Variants in ZFYVE26 observed in about 807,000 individuals in gnomAD.
The protein encoded by ZFYVE26 is zinc finger FYVE-type containing 26.
A neutral mutation model predicts 276.5 loss-of-function variants in ZFYVE26; 181 were observed. The ratio of observed to expected loss-of-function variants is 0.65; its 90% CI spans 0.58 to 0.74. The LOEUF (loss-of-function observed/expected upper bound fraction) is 0.74, where lower values mean the gene tolerates loss of function less well. ZFYVE26 is among the 30% of genes least tolerant of loss of function. The probability of loss-of-function intolerance (pLI) is 0.00; values close to 1 mark genes in which losing one functional copy is unlikely to be tolerated. For synonymous variants in ZFYVE26, 1,129 were observed against 1,203.1 expected (o/e 0.94, Z 1.27); for missense variants, 2,821 against 3,097.9 (o/e 0.91, Z 2.12).
intron 24 of ZFYVE26, 122 bp downstream of exon 24, chr14:67,778,004 C>G: frequency 6.8e-7 from 1 of 1,469,296 alleles, no homozygotes; most frequent in Non-Finnish European, 9.5e-7. Flanking sequence ...TAACCAGCTC[C>G]TGAAAGATCA....
At chr14:67,738,228 A>G (rs116906556) in intron 13 of ZFYVE26, among the ~76,000 whole-genome samples, 4 of 151,898 alleles carry the variant, frequency 2.6e-5, no homozygotes, top group Non-Finnish European at 5.9e-5. Context: ...AAGAGGAGGC[A>G]TTGTTCATAT....
chr14:67,799,448 G>C, intron 10 of ZFYVE26: 1 of 1,612,076 alleles, frequency 6.2e-7, no homozygotes, highest in Non-Finnish European at 8.5e-7. Flanking sequence ...AAAGGAGTTG[G>C]GGCTTGATGA....
intron 29 of ZFYVE26, 132 bp from the exon 30 acceptor site, chr14:67,768,680 T>A (rs771194512): frequency 1.2e-6 from 1 of 841,494 alleles, no homozygotes; most frequent in East Asian, 2.5e-5. Flanking sequence ...AATTGTTGAA[T>A]GAAAGAGTCC....
chr14:67,780,868 C>T (rs112282949), intron 22 of ZFYVE26, among the ~76,000 whole-genome samples: 6 of 152,332 alleles, frequency 3.9e-5, no homozygotes, highest in African/African-American at 1.4e-4. Flanking sequence ...TGTAGCCGTG[C>T]TTCCTAAATT....
intron 2 of ZFYVE26, among the ~76,000 whole-genome samples, chr14:67,814,391 C>A (rs183576101): frequency 8.5e-5 from 13 of 152,098 alleles, no homozygotes; most frequent in African/African-American, 2.7e-4. Flanking sequence ...CGGTGGCAGG[C>A]GCCTGTAGTC....
intron 12 of ZFYVE26, 27 bp downstream of exon 12, chr14:67,797,645 T>C: frequency 1.9e-6 from 3 of 1,612,756 alleles, no homozygotes; most frequent in Non-Finnish European, 2.5e-6. Context: ...ACTTGCCTAG[T>C]GCATGGGAAT....
chr14:67,785,201 C>T lies in ZFYVE26; in HGVS notation c.3381G>A (p.Val1127=), dbSNP rs559649836. ...TCTGGAGGAGCTGAGTCTGGATCTG[C>T]ACAGGGTGGGCCTCTGCCTCTGGAG... is the stretch of plus-strand genomic sequence containing the variant. ...QKAPEAEAHP[V]QIQTQLLQKN... is the part of the protein sequence containing the mutation. Residue 1127 remains valine, a synonymous_variant, in exon 19 of 42, where the codon GTG becomes GTA. Coordinates refer to ENST00000347230, the MANE Select transcript of ZFYVE26 (RefSeq NM_015346.4). The T allele has an allele frequency of 1.4e-5, 23 of 1,614,138 alleles. No individual in the cohort carries two copies. In the East Asian group the frequency reaches 4.2e-4, roughly 30 times the overall value.
At chr14:67,734,007 T>C (rs533646445) in intron 13 of ZFYVE26, 16 of 602,828 alleles carry the variant, frequency 2.7e-5, no homozygotes, top group South Asian at 2.4e-4. Context: ...TTTGCACACC[T>C]GACACTCTTG....
At chr14:67,782,129 A>G (rs1333524759) in intron 21 of ZFYVE26, among the ~76,000 whole-genome samples, 2 of 152,162 alleles carry the variant, frequency 1.3e-5, no homozygotes, top group African/African-American at 4.8e-5. Flanking sequence ...CAAGCCTCCT[A>G]CCCAAAAGTC....
rs1017787430 is a variant in ZFYVE26 at position 67,793,860 on chromosome 14, C to T, written c.2402-101G>A. 5.5e-5 allele frequency: 83 copies of T among 1,517,276 alleles called. 2 individuals are homozygous for T. In the East Asian group the frequency reaches 1.8e-3, roughly 34 times the overall value. The allele number at this position is 1,517,276 out of a possible 1,614,324, so 94.0% of individuals were successfully genotyped here. A position where few individuals can be genotyped will look rare whatever the true frequency, so the allele number is the denominator to read the frequency against. ...ACCAAACTTTTATCTCCTCAATGTC[C>T]TTCTGTAAAAGGCCTGTAAATAGGT... On this transcript the variant is annotated intron_variant, in intron 13 of 41. Transcript: ENST00000347230.
intron 25 of ZFYVE26, among the ~76,000 whole-genome samples, chr14:67,776,872 T>C (rs2039358416): frequency 6.6e-6 from 1 of 152,214 alleles, no homozygotes. Flanking sequence ...TTAGCACTCG[T>C]TCTATTTGTG....
In ZFYVE26 at chr14:67,763,837, C is replaced by T. The variant is rs2038994051; in HGVS notation, c.6012-1018G>A. ...GGGTATTTGAGGCAAGGCCTTTACACTGTATGTTAGGGGCTTACAAGTGAC... is the reference window on the plus strand; with the variant it reads ...GGGTATTTGAGGCAAGGCCTTTACATTGTATGTTAGGGGCTTACAAGTGAC... On this transcript the variant is annotated intron_variant, in intron 32 of 41. Transcript: ENST00000347230. Among the ~76,000 whole-genome samples, 11 of 152,284 alleles carry T rather than the reference C, an allele frequency of 7.2e-5. No individual in the cohort carries two copies. In the South Asian group the frequency reaches 2.3e-3, roughly 32 times the overall value.
chr14:67,814,183 C>G, intron 2 of ZFYVE26, 119 bp from the exon 3 acceptor site: 1 of 783,968 alleles, frequency 1.3e-6, no homozygotes, highest in Non-Finnish European at 2.2e-6. Context: ...CAAGACACTG[C>G]CCTAATGAGA....
intron 26 of ZFYVE26, 130 bp downstream of exon 26, chr14:67,775,730 G>T: frequency 2.3e-6 from 3 of 1,301,930 alleles, no homozygotes; most frequent in Non-Finnish European, 3.3e-6. Context: ...TAAAGAGATA[G>T]CTCTTCTGAA....
In ZFYVE26 at chr14:67,729,287, C is replaced by T. The variant is rs376787473; in HGVS notation, n.3212G>A. ...CTCTGCCTGCTCTGGCGGCTCTTCT[C>T]CCCCTTTGTCAAGACGGCACGGGAG... On this transcript the variant is annotated non_coding_transcript_exon_variant, in exon 14 of 15. Coordinates refer to the ZFYVE26 transcript ENST00000394455. 1 of 1,604,710 alleles carries T rather than the reference C, an allele frequency of 6.2e-7. No homozygotes were observed. Among genetic ancestry groups the T allele is most frequent in the East Asian group, 2.2e-5 (1 of 44,884 alleles).
intron 41 of ZFYVE26, among the ~76,000 whole-genome samples, chr14:67,749,474 A>T (rs1420146999): frequency 6.6e-6 from 1 of 152,112 alleles, no homozygotes; most frequent in East Asian, 1.9e-4. Flanking sequence ...TGGTCTCCCC[A>T]GCACCCCCTG....
In ZFYVE26 at chr14:67,748,104, T is replaced by G; in HGVS notation, c.*332A>C. 4 of 322,224 alleles carry G rather than the reference T, an allele frequency of 1.2e-5. No homozygotes were observed. Among genetic ancestry groups the G allele is most frequent in the East Asian group, 6.5e-5 (1 of 15,462 alleles). The allele number at this position is 322,224 out of a possible 1,614,324, so 20.0% of individuals were successfully genotyped here. A position where few individuals can be genotyped will look rare whatever the true frequency, so the allele number is the denominator to read the frequency against. On this transcript the variant is annotated 3_prime_UTR_variant, in exon 42 of 42. Transcript: ENST00000347230. ...AGTGCCTCTTTTAAATGGAGAAGAG[T>G]TTCATTTGTTCAGAAATGCTTGGGC...
At chr14:67,774,911 C>T in intron 27 of ZFYVE26, 105 bp downstream of exon 27, 1 of 693,238 alleles carries the variant, frequency 1.4e-6, no homozygotes, top group East Asian at 2.8e-5. Flanking sequence ...AATGTTGTAA[C>T]TGGCAATGAA....
chr14:67,802,128 C>T lies in ZFYVE26; in HGVS notation c.1590G>A (p.Glu530=). 6.2e-7 allele frequency: 1 copy of T among 1,613,948 alleles called. No individual in the cohort carries two copies. Among genetic ancestry groups the T allele is most frequent in the Middle Eastern group, 1.7e-4 (1 of 5,852 alleles). ...CTGGCTCTGTAGCTGAGGCCAGGTC[C>T]TCAGAGAGGCTGTCTTTGCAGTCCT... ...QCQDCKDSLS[E]DLASATEPAN... Residue 530 remains glutamate (E), a synonymous_variant, in exon 10 of 42, where the codon GAG becomes GAA. Coordinates refer to ENST00000347230, the MANE Select transcript of ZFYVE26 (RefSeq NM_015346.4).
Sources: allele counts gnomAD v4.1 joint callset (sites outside exome capture counted in the v4.1 genomes callset), GRCh38; gene constraint gnomAD v4.1.1; transcripts MANE v1.5; gene names NCBI Gene and HGNC (gene_info 2026-07-23, HGNC 2026-07-21).